The following PTPRC variants were observed in gnomAD, a reference collection of about 807,000 sequenced individuals.
The protein encoded by PTPRC is receptor-type tyrosine-protein phosphatase C.
In PTPRC, 44 loss-of-function variants were observed where a neutral mutation model predicts 155.9. The ratio of observed to expected loss-of-function variants is 0.28; its 90% CI spans 0.22 to 0.36. PTPRC has a LOEUF of 0.36. Among genes scored for constraint, PTPRC ranks in the 10% least tolerant of loss-of-function variants. The pLI is 1.00. For missense variants in PTPRC, 1,401 were observed against 1,564.6 expected, an observed-to-expected ratio of 0.90 and a Z score of 1.76; for synonymous variants, 525 against 533.1, an observed-to-expected ratio of 0.98 and a Z score of 0.21.
At chr1:198,698,236 T>G in intron 4 of PTPRC, among the ~76,000 whole-genome samples, 1 of 152,294 alleles carries the variant, frequency 6.6e-6, no homozygotes, top group South Asian at 2.1e-4. Context: ...GAGCAAAGTA[T>G]GAGAAAGGTT....
intron 2 of PTPRC, among the ~76,000 whole-genome samples, chr1:198,651,686 C>T (rs1345774253): frequency 6.6e-6 from 1 of 151,802 alleles, no homozygotes; most frequent in Admixed American, 6.6e-5. Flanking sequence ...ATTGTATAGT[C>T]TAGCTTATAC....
intron 10 of PTPRC, 84 bp from the exon 11 acceptor site, chr1:198,709,603 G>T (rs1279229716): frequency 2.5e-6 from 3 of 1,188,766 alleles, no homozygotes; most frequent in Middle Eastern, 3.0e-4. Flanking sequence ...ATTAAATAGA[G>T]AATTATAAAT....
At chr1:198,751,993 C>T (rs369465866) in intron 29 of PTPRC, among the ~76,000 whole-genome samples, 45 of 152,120 alleles carry the variant, frequency 3.0e-4, no homozygotes, top group East Asian at 2.9e-3. Flanking sequence ...ACAGCTGTTC[C>T]GGGGGTGTCC....
intron 22 of PTPRC, 78 bp downstream of exon 22, chr1:198,734,503 A>G: frequency 8.4e-7 from 1 of 1,194,510 alleles, no homozygotes; most frequent in African/African-American, 1.5e-5. Context: ...GAAAAGCCAC[A>G]TGTATCTGCC....
In PTPRC at chr1:198,706,705, A is replaced by T. The variant is rs759450534; in HGVS notation, c.686-29A>T. ...ATGTAGTTTTATTTATTCTGGAAAA[A>T]TAACACTCAATGTTCTATTTTCTTT... is the stretch of plus-strand genomic sequence containing the variant. On this transcript the variant is annotated intron_variant, in intron 8 of 32. Coordinates refer to ENST00000442510, the MANE Select transcript of PTPRC (RefSeq NM_002838.5). The T allele has an allele frequency of 4.4e-6, 7 of 1,592,022 alleles. No homozygotes were observed. In the Admixed American group the frequency reaches 5.0e-5, roughly 11 times the overall value.
intron 2 of PTPRC, among the ~76,000 whole-genome samples, chr1:198,661,741 C>T (rs766178243): frequency 3.9e-5 from 6 of 152,052 alleles, no homozygotes; most frequent in Admixed American, 1.3e-4. Flanking sequence ...TTATCCTTAC[C>T]GCAGCATGGA....
chr1:198,720,359 C>G (rs1472679201), intron 14 of PTPRC, among the ~76,000 whole-genome samples: 1 of 152,052 alleles, frequency 6.6e-6, no homozygotes, highest in Non-Finnish European at 1.5e-5. Flanking sequence ...GAGAAAGAGT[C>G]TCGCTTTGTC....
chr1:198,659,698 C>T (rs1663831520), intron 2 of PTPRC, among the ~76,000 whole-genome samples: 2 of 151,804 alleles, frequency 1.3e-5, no homozygotes, highest in South Asian at 4.1e-4. Context: ...CCATGCCTTG[C>T]TAATTTTGTA....
chr1:198,714,957 GT>G (rs376790451), intron 12 of PTPRC, among the ~76,000 whole-genome samples: 2,040 of 152,128 alleles, frequency 0.013, 46 homozygotes, highest in African/African-American at 0.041. Context: ...GGTTTAGCAG[GT>G]TTTTTTAATT....
In PTPRC at chr1:198,729,127, A is replaced by G. The variant is rs761738174; in HGVS notation, c.1830-10A>G. The G allele has an allele frequency of 3.7e-6, 6 of 1,610,044 alleles. No individual in the cohort carries two copies. The highest frequency in any genetic ancestry group is 2.2e-5 in the East Asian group (1 of 44,694). On this transcript the variant is annotated splice_polypyrimidine_tract_variant and intron_variant, in intron 16 of 32. Transcript: ENST00000442510. The stretch of plus-strand genomic sequence containing the variant: ...GAGAATATAGAAACTTATTTTTCCT[A>G]TTTTCACAGCAATTTAGATGAACAG...
At chr1:198,700,300 G>A (rs1169837865) in intron 5 of PTPRC, among the ~76,000 whole-genome samples, 1 of 152,036 alleles carries the variant, frequency 6.6e-6, no homozygotes, top group Non-Finnish European at 1.5e-5. Context: ...TTATATGCAA[G>A]AAAAACAAGT....
At chr1:198,649,543 G>A (rs1055725361) in intron 2 of PTPRC, among the ~76,000 whole-genome samples, 3 of 151,810 alleles carry the variant, frequency 2.0e-5, no homozygotes, top group Middle Eastern at 3.2e-3. Flanking sequence ...TACTTTTAAA[G>A]TACTTAAAGA....
At position 198,754,325 on chromosome 1, in the gene PTPRC, C is replaced by T. The variant is rs767698294; in HGVS notation, c.3566C>T (p.Ala1189Val). 21 of 1,611,798 alleles carry T rather than the reference C, an allele frequency of 1.3e-5. No homozygotes were observed. Among genetic ancestry groups the T allele is most frequent in the Admixed American group, 5.0e-5 (3 of 59,830 alleles). ...GCTTTGTTAAATCTCTTAGAAAGTG[C>T]GGAAACAGAAGAGGTAGTGGATATT... ...FCALLNLLES[A>V]ETEEVVDIFQ... The change falls in exon 32 of 33, where the codon GCG (alanine) becomes GTG (valine). Residue 1189 changes from alanine (A) to valine (V), a missense_variant. Ala to Val is a moderately conservative substitution (Grantham distance 64). Around this residue, in one of 3 missense-constraint regions of PTPRC, gnomAD observed 400 missense variants for 389.5 expected, o/e 1.03. Coordinates refer to ENST00000442510, the MANE Select transcript of PTPRC (RefSeq NM_002838.5).
At chr1:198,680,019 C>A (rs754817808) in intron 2 of PTPRC, 1 of 554,268 alleles carries the variant, frequency 1.8e-6, no homozygotes, top group African/African-American at 2.0e-5. Flanking sequence ...AGGGCCTGGA[C>A]CGCTTGCTGA....
chr1:198,741,797 C>T, intron 23 of PTPRC, 72 bp from the exon 24 acceptor site: 1 of 1,454,018 alleles, frequency 6.9e-7, no homozygotes, highest in Non-Finnish European at 9.5e-7. Context: ...ACTGGTACTC[C>T]CTTCCACTTA....
chr1:198,668,401 T>C (rs138541207), intron 2 of PTPRC, among the ~76,000 whole-genome samples: 52 of 152,044 alleles, frequency 3.4e-4, no homozygotes, highest in African/African-American at 1.2e-3. Flanking sequence ...CAAATTAGGG[T>C]TTTGAAGACA....
chr1:198,643,778 G>A (rs561255525), intron 2 of PTPRC, among the ~76,000 whole-genome samples: 1 of 152,066 alleles, frequency 6.6e-6, no homozygotes, highest in South Asian at 2.1e-4. Context: ...TACAAATGTA[G>A]CGGAGTGATA....
chr1:198,705,719 C>T (rs1296757639), intron 8 of PTPRC, among the ~76,000 whole-genome samples: 1 of 152,124 alleles, frequency 6.6e-6, no homozygotes, highest in Non-Finnish European at 1.5e-5. Flanking sequence ...CCACGCCTGG[C>T]CCACTTACAG....
At chr1:198,720,118 T>C (rs1186809197) in intron 14 of PTPRC, among the ~76,000 whole-genome samples, 3 of 152,162 alleles carry the variant, frequency 2.0e-5, no homozygotes, top group African/African-American at 7.2e-5. Flanking sequence ...TCATTGTGTG[T>C]TATTCTCTCA....
Sources: allele counts gnomAD v4.1 joint callset (sites outside exome capture counted in the v4.1 genomes callset), GRCh38; gene constraint gnomAD v4.1.1; regional missense constraint gnomAD v4.1.1; transcripts MANE v1.5; gene names NCBI Gene and HGNC (gene_info 2026-07-23, HGNC 2026-07-21).